The following ZNF704 variants were observed in gnomAD, a reference collection of about 807,000 sequenced individuals.
ZNF704 encodes zinc finger protein 704.
A neutral mutation model predicts 44.7 loss-of-function variants in ZNF704; 10 were observed. The ratio of observed to expected loss-of-function variants is 0.22; its 90% CI spans 0.14 to 0.38. The LOEUF is 0.38. Among genes scored for constraint, ZNF704 ranks in the 10% least tolerant of loss-of-function variants. The pLI, the probability that ZNF704 is intolerant of heterozygous loss-of-function variation, is 1.00. For synonymous variants in ZNF704, 211 were observed against 207.6 expected (o/e 1.02, Z -0.14); for missense variants, 390 against 545.5 (o/e 0.71, Z 2.84).
chr8:80,828,989 C>T (rs1264771380), intron 1 of ZNF704, among the ~76,000 whole-genome samples: 1 of 152,170 alleles, frequency 6.6e-6, no homozygotes, highest in Non-Finnish European at 1.5e-5. Context: ...CCATAGTTTT[C>T]CTGTCAGACA....
At chr8:80,871,439 G>C (rs1225492337) in intron 1 of ZNF704, among the ~76,000 whole-genome samples, 1 of 152,070 alleles carries the variant, frequency 6.6e-6, no homozygotes, top group Non-Finnish European at 1.5e-5. Flanking sequence ...CAGGTCAAAT[G>C]TTCCCTCCTC....
intron 1 of ZNF704, among the ~76,000 whole-genome samples, chr8:80,873,389 G>C (rs1327421889): frequency 6.6e-6 from 1 of 151,010 alleles, no homozygotes; most frequent in Non-Finnish European, 1.5e-5. Flanking sequence ...GCGCTGCCCC[G>C]CGCGGCCGCC....
chr8:80,662,696 A>T (rs903030148), intron 6 of ZNF704, among the ~76,000 whole-genome samples: 1 of 152,244 alleles, frequency 6.6e-6, no homozygotes, highest in Non-Finnish European at 1.5e-5. Context: ...GTACCACTGG[A>T]AAGCATTCTG....
intron 4 of ZNF704, among the ~76,000 whole-genome samples, chr8:80,685,692 C>G (rs1361671417): frequency 6.6e-6 from 1 of 152,202 alleles, no homozygotes; most frequent in Non-Finnish European, 1.5e-5. Context: ...CTGGGAAGGT[C>G]AGGGGACTAC....
Position 80,641,335 on chromosome 8 carries a change from A to T in ZNF704, c.*31T>A. The T allele has an allele frequency of 7.0e-7, 1 of 1,429,108 alleles. No individual in the cohort carries two copies. The highest frequency in any genetic ancestry group is 9.5e-7 in the Non-Finnish European group (1 of 1,047,348). The allele number at this position is 1,429,108 out of a possible 1,614,324, so 88.5% of individuals were successfully genotyped here. Reference sequence around the variant, plus strand: ...TGGCAGGCCAGGGCAGGAGCGGCTCAGGGCCCTGAGCCCCTCTGCCTGGGG... The same window carrying T: ...TGGCAGGCCAGGGCAGGAGCGGCTCTGGGCCCTGAGCCCCTCTGCCTGGGG... On this transcript the variant is annotated 3_prime_UTR_variant, in exon 9 of 9. Coordinates refer to ENST00000327835, the MANE Select transcript of ZNF704 (RefSeq NM_001033723.3).
chr8:80,659,778 A>C, intron 6 of ZNF704, 89 bp from the exon 7 acceptor site: 1 of 1,169,040 alleles, frequency 8.6e-7, no homozygotes, highest in Non-Finnish European at 1.3e-6. Context: ...GACCTCAGAA[A>C]TGGTCTCAGC....
chr8:80,879,713 A>G (rs1055115860), upstream of ZNF704, among the ~76,000 whole-genome samples: 1 of 152,232 alleles, frequency 6.6e-6, no homozygotes, highest in South Asian at 2.1e-4. Flanking sequence ...GATGCCTAAC[A>G]GCCATGAACC....
chr8:80,820,816 G>A (rs1257507793), intron 2 of ZNF704, among the ~76,000 whole-genome samples: 1 of 152,136 alleles, frequency 6.6e-6, no homozygotes, highest in African/African-American at 2.4e-5. Flanking sequence ...TGAGGCAGGA[G>A]GACTGCTTGT....
intron 2 of ZNF704, among the ~76,000 whole-genome samples, chr8:80,771,332 T>C (rs956729990): frequency 6.6e-6 from 1 of 152,156 alleles, no homozygotes; most frequent in South Asian, 2.1e-4. Context: ...TTGCAATCCA[T>C]AAACATGGTA....
At chr8:80,766,628 T>C (rs889035740) in intron 2 of ZNF704, among the ~76,000 whole-genome samples, 2 of 152,226 alleles carry the variant, frequency 1.3e-5, no homozygotes, top group Non-Finnish European at 2.9e-5. Context: ...CTATTACTAA[T>C]TAATTACTAC....
chr8:80,641,142 G>C lies in ZNF704; in HGVS notation c.*224C>G. 1 of 364,662 alleles carries C rather than the reference G, an allele frequency of 2.7e-6. No homozygotes were observed. The highest frequency in any genetic ancestry group is 4.9e-6 in the Non-Finnish European group (1 of 203,618). The allele number at this position is 364,662 out of a possible 1,614,324, so 22.6% of individuals were successfully genotyped here. A position where few individuals can be genotyped will look rare whatever the true frequency, so the allele number is the denominator to read the frequency against. Reference sequence around the variant, plus strand: ...TTTGAAGGAAAAAAAACTAGTTATAGCTGCTCCAAGCTGGGTTCTCAGTAA... The same window carrying C: ...TTTGAAGGAAAAAAAACTAGTTATACCTGCTCCAAGCTGGGTTCTCAGTAA... On this transcript the variant is annotated 3_prime_UTR_variant, in exon 9 of 9. Transcript: ENST00000327835.
chr8:80,759,700 C>A (rs900606767), intron 2 of ZNF704, among the ~76,000 whole-genome samples: 3 of 152,188 alleles, frequency 2.0e-5, no homozygotes, highest in Non-Finnish European at 2.9e-5. Flanking sequence ...CATAAGTGAG[C>A]TTGGGAGAGG....
intron 2 of ZNF704, among the ~76,000 whole-genome samples, chr8:80,693,875 T>C (rs1017183313): frequency 7.9e-5 from 12 of 152,256 alleles, no homozygotes; most frequent in Middle Eastern, 3.4e-3. Flanking sequence ...TGATGAATAT[T>C]TGTAATATAA....
chr8:80,641,183 G>A lies in ZNF704; in HGVS notation c.*183C>T. On this transcript the variant is annotated 3_prime_UTR_variant, in exon 9 of 9. Coordinates refer to ENST00000327835, the MANE Select transcript of ZNF704 (RefSeq NM_001033723.3). ...TTCTCAGTAAGAGCAACTTTCTTTT[G>A]TCATAGGTGGTGACTTAAACAATTT... is the stretch of plus-strand genomic sequence containing the variant. 1 of 438,858 alleles carries A rather than the reference G, an allele frequency of 2.3e-6. No homozygotes were observed. Among genetic ancestry groups the A allele is most frequent in the Non-Finnish European group, 4.0e-6 (1 of 247,174 alleles). 27.2% of individuals were successfully genotyped at this position (438,858 alleles called of 1,614,324 possible). A position where few individuals can be genotyped will look rare whatever the true frequency, so the allele number is the denominator to read the frequency against.
chr8:80,872,520 T>C (rs139026790), intron 1 of ZNF704, among the ~76,000 whole-genome samples: 163 of 152,286 alleles, frequency 1.1e-3, no homozygotes, highest in Non-Finnish European at 1.9e-3. Flanking sequence ...GAAATACCAA[T>C]ACCTTCTGAA....
chr8:80,670,037 A>C (rs1315782177), intron 5 of ZNF704, among the ~76,000 whole-genome samples: 1 of 152,226 alleles, frequency 6.6e-6, no homozygotes, highest in African/African-American at 2.4e-5. Context: ...TGTGAGGCTT[A>C]AAGTCATGAA....
intron 5 of ZNF704, among the ~76,000 whole-genome samples, chr8:80,667,812 G>T (rs923972445): frequency 6.6e-6 from 1 of 152,186 alleles, no homozygotes; most frequent in Admixed American, 6.5e-5. Flanking sequence ...TTGTGTGCAT[G>T]ATTTTGGTGG....
chr8:80,858,729 TAC>T (rs1410694904), intron 1 of ZNF704, among the ~76,000 whole-genome samples: 5 of 151,808 alleles, frequency 3.3e-5, no homozygotes, highest in Admixed American at 1.3e-4. Context: ...ACAAAAGAAA[TAC>T]AGTGATTGAT....
At chr8:80,873,415 AC>A (rs1809292170) in intron 1 of ZNF704, 3 of 150,708 alleles carry the variant, frequency 2.0e-5, no homozygotes, top group Non-Finnish European at 1.5e-5. Context: ...CGCCTGACAC[AC>A]CCCTCCTGGC....
Sources: allele counts gnomAD v4.1 joint callset (sites outside exome capture counted in the v4.1 genomes callset), GRCh38; gene constraint gnomAD v4.1.1; transcripts MANE v1.5; gene names NCBI Gene and HGNC (gene_info 2026-07-23, HGNC 2026-07-21).